ARHGAP15: variants seen among roughly 807,000 people sequenced by gnomAD.
ARHGAP15 encodes the protein Rho GTPase activating protein 15.
ARHGAP15 carries 51 observed loss-of-function variants against 63.7 expected under a neutral mutation model. That is an observed-to-expected ratio of 0.80 (90% CI 0.64 to 1.01). ARHGAP15 has a LOEUF of 1.01. ARHGAP15 is among the 50% of genes least tolerant of loss of function. The pLI is 0.00. For missense variants in ARHGAP15, 560 were observed against 564.6 expected, an observed-to-expected ratio of 0.99 and a Z score of 0.08; for synonymous variants, 191 against 193.8, an observed-to-expected ratio of 0.99 and a Z score of 0.12.
chr2:143,478,874 T>C (rs961435700), intron 8 of ARHGAP15, among the ~76,000 whole-genome samples: 13 of 152,214 alleles, frequency 8.5e-5, no homozygotes, highest in African/African-American at 2.7e-4. Flanking sequence ...GTCATGTATG[T>C]TTTTCTGTCC....
chr2:143,705,894 A>G (rs1425390549), intron 13 of ARHGAP15, among the ~76,000 whole-genome samples: 2 of 152,234 alleles, frequency 1.3e-5, no homozygotes, highest in Non-Finnish European at 2.9e-5. Context: ...AGTTTTAACA[A>G]TTAATGCCTG....
chr2:143,585,080 A>G (rs1200235213), intron 11 of ARHGAP15, among the ~76,000 whole-genome samples: 3 of 152,174 alleles, frequency 2.0e-5, no homozygotes, highest in Non-Finnish European at 4.4e-5. Context: ...GTTCTTTCTA[A>G]ATTTAGATAA....
intron 10 of ARHGAP15, among the ~76,000 whole-genome samples, chr2:143,526,844 A>C (rs1022355707): frequency 2.6e-5 from 4 of 152,162 alleles, no homozygotes; most frequent in Non-Finnish European, 5.9e-5. Context: ...TTTCAGTAGA[A>C]ATGTTTTGAT....
At chr2:143,695,787 G>A (rs1683817300) in intron 12 of ARHGAP15, among the ~76,000 whole-genome samples, 1 of 151,540 alleles carries the variant, frequency 6.6e-6, no homozygotes, top group African/African-American at 2.4e-5. Context: ...AGAATTGCTT[G>A]AACCTGGGAG....
chr2:143,197,262 A>G (rs1691916468), intron 2 of ARHGAP15, among the ~76,000 whole-genome samples: 1 of 151,948 alleles, frequency 6.6e-6, no homozygotes, highest in African/African-American at 2.4e-5. Flanking sequence ...CTAAATGTGA[A>G]ATGTTTTCTG....
intron 4 of ARHGAP15, among the ~76,000 whole-genome samples, chr2:143,221,191 G>C (rs932937214): frequency 2.0e-5 from 3 of 151,932 alleles, no homozygotes; most frequent in African/African-American, 7.3e-5. Context: ...ATCCATAATA[G>C]ATCATCATAC....
At chr2:143,436,448 A>G (rs1200696774) in intron 7 of ARHGAP15, among the ~76,000 whole-genome samples, 1 of 152,158 alleles carries the variant, frequency 6.6e-6, no homozygotes, top group Non-Finnish European at 1.5e-5. Flanking sequence ...TTTTCCTGTT[A>G]TTAGTATATT....
chr2:143,675,104 T>C (rs1308963431), intron 12 of ARHGAP15, among the ~76,000 whole-genome samples: 1 of 152,240 alleles, frequency 6.6e-6, no homozygotes, highest in Non-Finnish European at 1.5e-5. Flanking sequence ...AAATCATTTG[T>C]TGTTATTTCC....
chr2:143,656,799 G>GAGTC (rs1356894418), intron 12 of ARHGAP15, among the ~76,000 whole-genome samples: 3 of 152,172 alleles, frequency 2.0e-5, no homozygotes, highest in African/African-American at 7.2e-5. Flanking sequence ...CTGGCCTCCT[G>GAGTC]AGTCAGAGAA....
At chr2:143,726,925 G>A (rs1474688005) in intron 13 of ARHGAP15, among the ~76,000 whole-genome samples, 1 of 152,182 alleles carries the variant, frequency 6.6e-6, no homozygotes, top group Non-Finnish European at 1.5e-5. Context: ...AGGCAAACCT[G>A]GATAGCACAA....
At chr2:143,297,039 T>C (rs570978635) in intron 6 of ARHGAP15, among the ~76,000 whole-genome samples, 1 of 151,974 alleles carries the variant, frequency 6.6e-6, no homozygotes, top group African/African-American at 2.4e-5. Context: ...GTAAAGCTAG[T>C]GTCCAAAGTG....
chr2:143,334,526 G>C lies in ARHGAP15; in HGVS notation c.474+83926G>C, dbSNP rs142336610. On this transcript the variant is annotated intron_variant, in intron 6 of 13. Coordinates refer to ENST00000295095, the MANE Select transcript of ARHGAP15 (RefSeq NM_018460.4). ...TAAAATACTATAACCTGCTGCTGCG[G>C]TGTGCCAATGGTGATAAGATGTAAA... Among the ~76,000 whole-genome samples, 455 of 152,212 alleles carry C rather than the reference G, an allele frequency of 3.0e-3. 4 individuals are homozygous for C. The highest frequency in any genetic ancestry group is 0.011 in the African/African-American group (438 of 41,518).
At position 143,387,480 on chromosome 2, in the gene ARHGAP15, C is replaced by T. The variant is rs138636585; in HGVS notation, c.475-48121C>T. On this transcript the variant is annotated intron_variant, in intron 6 of 13. Coordinates refer to ENST00000295095, the MANE Select transcript of ARHGAP15 (RefSeq NM_018460.4). ...TAATATAAATACCAATTATTGAGCA[C>T]CCATTGTGAGCCAGGCCCTGTTGTA... Among the ~76,000 whole-genome samples, 8 of 152,212 alleles carry T rather than the reference C, an allele frequency of 5.3e-5. No homozygotes were observed. In the East Asian group the frequency reaches 1.5e-3, roughly 29 times the overall value.
At chr2:143,205,277 CAGAA>C (rs1692287478) in intron 3 of ARHGAP15, among the ~76,000 whole-genome samples, 1 of 145,290 alleles carries the variant, frequency 6.9e-6, no homozygotes, top group African/African-American at 2.5e-5. Context: ...AAAAAAGAAA[CAGAA>C]AGGAACCTAC....
At chr2:143,349,980 A>G (rs1191816837) in intron 6 of ARHGAP15, among the ~76,000 whole-genome samples, 2 of 152,228 alleles carry the variant, frequency 1.3e-5, no homozygotes, top group Admixed American at 6.5e-5. Context: ...TAGTTGAAAT[A>G]TAATAGGCCT....
chr2:143,741,855 A>G (rs1474685317), intron 13 of ARHGAP15, among the ~76,000 whole-genome samples: 2 of 152,228 alleles, frequency 1.3e-5, no homozygotes, highest in Non-Finnish European at 2.9e-5. Flanking sequence ...GATATATGAC[A>G]TGAAGAATGA....
intron 12 of ARHGAP15, among the ~76,000 whole-genome samples, chr2:143,650,131 T>C (rs561552730): frequency 2.9e-4 from 44 of 152,048 alleles, no homozygotes; most frequent in African/African-American, 1.0e-3. Context: ...TAAAAAATGT[T>C]ATCTAGCTAT....
chr2:143,679,224 G>A (rs1304002462), intron 12 of ARHGAP15, among the ~76,000 whole-genome samples: 2 of 152,062 alleles, frequency 1.3e-5, no homozygotes, highest in African/African-American at 4.8e-5. Flanking sequence ...GCATTACCTG[G>A]AAAACAATTT....
intron 11 of ARHGAP15, among the ~76,000 whole-genome samples, chr2:143,617,939 A>G (rs1362206383): frequency 1.3e-5 from 2 of 152,228 alleles, no homozygotes; most frequent in Non-Finnish European, 2.9e-5. Flanking sequence ...TGTTTGTTTG[A>G]AAACAATTAA....
Sources: allele counts gnomAD v4.1 joint callset (sites outside exome capture counted in the v4.1 genomes callset), GRCh38; gene constraint gnomAD v4.1.1; transcripts MANE v1.5; gene names NCBI Gene and HGNC (gene_info 2026-07-23, HGNC 2026-07-21).